CSMD1: variants seen among roughly 807,000 people sequenced by gnomAD.
The protein encoded by CSMD1 is CUB and Sushi multiple domains 1, also known as CUB and sushi domain-containing protein 1.
Under a neutral mutation model 417.5 loss-of-function variants are expected in CSMD1, and 213 were observed. The observed-to-expected ratio is 0.51, with a 90% CI of 0.46 to 0.57. The LOEUF (loss-of-function observed/expected upper bound fraction) is 0.57. CSMD1 is among the 20% of genes least tolerant of loss of function. The pLI, the probability that CSMD1 is intolerant of heterozygous loss-of-function variation, is 0.00. For synonymous variants in CSMD1, 2,862 were observed against 1,736.8 expected (o/e 1.65, Z -16.11); for missense variants, 6,923 against 4,529.7 (o/e 1.53, Z -15.17).
chr8:3,987,550 C>T (rs977185980), intron 5 of CSMD1, among the ~76,000 whole-genome samples: 2 of 152,128 alleles, frequency 1.3e-5, no homozygotes, highest in African/African-American at 4.8e-5. Context: ...CCAAATGGTG[C>T]AGCTACGAAG....
At chr8:3,964,246 T>C (rs146679756) in intron 5 of CSMD1, among the ~76,000 whole-genome samples, 35 of 152,238 alleles carry the variant, frequency 2.3e-4, no homozygotes, top group Non-Finnish European at 4.8e-4. Flanking sequence ...ATACTTTTTG[T>C]GGCTATCCCT....
intron 5 of CSMD1, among the ~76,000 whole-genome samples, chr8:3,937,543 A>G (rs1398725804): frequency 6.7e-6 from 1 of 149,652 alleles, no homozygotes; most frequent in Non-Finnish European, 1.5e-5. Flanking sequence ...AAAACATAAT[A>G]CTATTGCACA....
At chr8:4,411,628 T>G (rs576467723) in intron 3 of CSMD1, among the ~76,000 whole-genome samples, 47 of 152,298 alleles carry the variant, frequency 3.1e-4, no homozygotes, top group African/African-American at 1.1e-3. Context: ...TTCCACCTGC[T>G]CATTCCATTC....
intron 3 of CSMD1, among the ~76,000 whole-genome samples, chr8:4,098,000 T>C (rs1003159329): frequency 6.6e-6 from 1 of 152,202 alleles, no homozygotes; most frequent in Non-Finnish European, 1.5e-5. Flanking sequence ...GGAAATGAAC[T>C]CTGTCAAGAG....
At chr8:3,519,669 A>G (rs1156332555) in intron 10 of CSMD1, among the ~76,000 whole-genome samples, 1 of 152,228 alleles carries the variant, frequency 6.6e-6, no homozygotes, top group African/African-American at 2.4e-5. Flanking sequence ...AGCAGCATGC[A>G]GGCCATGGCT....
chr8:3,854,991 T>G (rs1167839550), intron 5 of CSMD1, among the ~76,000 whole-genome samples: 1 of 152,158 alleles, frequency 6.6e-6, no homozygotes, highest in African/African-American at 2.4e-5. Flanking sequence ...CCAGGCCCAG[T>G]AATCCATACA....
At chr8:3,838,295 G>A (rs940828220) in intron 5 of CSMD1, among the ~76,000 whole-genome samples, 2 of 151,918 alleles carry the variant, frequency 1.3e-5, no homozygotes, top group African/African-American at 2.4e-5. Context: ...CCAACACTTT[G>A]GGAGGCAAGG....
At chr8:4,468,563 CTCCT>C (rs959608096) in intron 2 of CSMD1, among the ~76,000 whole-genome samples, 4 of 152,130 alleles carry the variant, frequency 2.6e-5, no homozygotes, top group African/African-American at 7.2e-5. Context: ...CAGCTAAATC[CTCCT>C]TCCTTGATTC....
chr8:3,226,951 G>A (rs1291346283), intron 27 of CSMD1, among the ~76,000 whole-genome samples: 1 of 151,816 alleles, frequency 6.6e-6, no homozygotes, highest in African/African-American at 2.4e-5. Context: ...AAAAAAGTTC[G>A]ACCTTATTAT....
rs981042994 is a variant in CSMD1 at position 3,714,817 on chromosome 8, C to A, written c.932-6326G>T. On this transcript the variant is annotated intron_variant, in intron 6 of 69. Transcript: ENST00000635120. ...GCATTTTTTGTCTAGTTTATGATTG[C>A]AAGATAAAAATTAAACTGTTCTTGA... is the stretch of plus-strand genomic sequence containing the variant. Among the ~76,000 whole-genome samples, 4 of 152,072 alleles carry A rather than the reference C, an allele frequency of 2.6e-5. No homozygotes were observed. The East Asian group carries it at 5.8e-4, about 22-fold the overall frequency.
At chr8:4,783,494 G>C (rs748562561) in intron 1 of CSMD1, among the ~76,000 whole-genome samples, 5 of 152,196 alleles carry the variant, frequency 3.3e-5, no homozygotes, top group African/African-American at 7.2e-5. Flanking sequence ...CGGAAGTATT[G>C]TCATTAAATA....
intron 2 of CSMD1, among the ~76,000 whole-genome samples, chr8:4,450,476 T>C (rs1473707504): frequency 1.1e-4 from 16 of 151,926 alleles, no homozygotes; most frequent in Admixed American, 9.8e-4. Context: ...AAATACAAAA[T>C]TGACAAAAAT....
At chr8:4,081,695 TA>T (rs1221506882) in intron 3 of CSMD1, among the ~76,000 whole-genome samples, 1 of 152,222 alleles carries the variant, frequency 6.6e-6, no homozygotes, top group Non-Finnish European at 1.5e-5. Context: ...CCAAAACATT[TA>T]AATTCTAAAA....
chr8:3,137,800 C>G (rs752939170), intron 41 of CSMD1, among the ~76,000 whole-genome samples: 4 of 152,186 alleles, frequency 2.6e-5, no homozygotes, highest in Non-Finnish European at 4.4e-5. Flanking sequence ...TCAGAATATT[C>G]TGATCTCTAG....
At chr8:3,809,583 G>C (rs144609255) in intron 5 of CSMD1, among the ~76,000 whole-genome samples, 5 of 152,258 alleles carry the variant, frequency 3.3e-5, no homozygotes, top group African/African-American at 9.6e-5. Flanking sequence ...TGAAAGTGTA[G>C]ATAGTTGGCC....
intron 36 of CSMD1, among the ~76,000 whole-genome samples, chr8:3,181,484 T>C (rs1268766140): frequency 6.6e-6 from 1 of 152,216 alleles, no homozygotes; most frequent in Non-Finnish European, 1.5e-5. Flanking sequence ...TGAGGTTTTT[T>C]TGCATTGTTT....
At position 3,097,019 on chromosome 8, in the gene CSMD1, T is replaced by C; in HGVS notation, c.6968A>G (p.Glu2323Gly). The C allele has an allele frequency of 6.5e-7, 1 of 1,547,336 alleles. No individual in the cohort carries two copies. Among genetic ancestry groups the C allele is most frequent in the Non-Finnish European group, 8.7e-7 (1 of 1,145,940 alleles). Residue 2323 changes from glutamate to glycine, a missense_variant, in exon 47 of 70, where the codon GAA (glutamate) becomes GGA (glycine). Transcript: ENST00000635120. ...PTCEAQCPAN[E>G]VRTGSSGVIL... Reference sequence around the variant, plus strand: ...GACTCCCGATGATCCAGTCCGGACTTCATTTGCTGGGCATTGTGCTGGAGA... The same window carrying C: ...GACTCCCGATGATCCAGTCCGGACTCCATTTGCTGGGCATTGTGCTGGAGA...
rs554097361 is a variant in CSMD1 at position 3,606,940 on chromosome 8, A to T, written c.1097+9770T>A. 2.8e-4 allele frequency among the ~76,000 whole-genome samples: 42 copies of T among 151,956 alleles called. No homozygotes were observed. In the South Asian group the frequency reaches 3.7e-3, roughly 14 times the overall value. On this transcript the variant is annotated intron_variant, in intron 8 of 69. Transcript: ENST00000635120. ...TTGGCCAGGATGGTCTCGATCTCTTAATCTCATGATCTGCCCACCTCAGCC... is the reference window on the plus strand; with the variant it reads ...TTGGCCAGGATGGTCTCGATCTCTTTATCTCATGATCTGCCCACCTCAGCC...
chr8:3,545,768 T>C (rs912073096), intron 10 of CSMD1, among the ~76,000 whole-genome samples: 1 of 152,190 alleles, frequency 6.6e-6, no homozygotes, highest in African/African-American at 2.4e-5. Context: ...CAAATACAGA[T>C]AAGCTTTTGT....
Sources: allele counts gnomAD v4.1 joint callset (sites outside exome capture counted in the v4.1 genomes callset), GRCh38; gene constraint gnomAD v4.1.1; transcripts MANE v1.5; gene names NCBI Gene and HGNC (gene_info 2026-07-23, HGNC 2026-07-21).